ZNF93: variants seen among roughly 807,000 people sequenced by gnomAD.
The protein encoded by ZNF93 is zinc finger protein 93, also known as zinc finger protein 505.
A neutral mutation model predicts 45.0 loss-of-function variants in ZNF93; 29 were observed. That is an observed-to-expected ratio of 0.64 (90% CI 0.48 to 0.88). The LOEUF is 0.88. Among genes scored for constraint, ZNF93 ranks in the 40% least tolerant of loss-of-function variants. ZNF93 has a pLI of 0.00. For synonymous variants in ZNF93, 223 were observed against 244.6 expected (o/e 0.91, Z 0.82); for missense variants, 578 against 724.0 (o/e 0.80, Z 2.31).
chr19:19,910,592 G>A (rs1003819341), intron 1 of ZNF93, among the ~76,000 whole-genome samples: 3 of 150,826 alleles, frequency 2.0e-5, no homozygotes, highest in African/African-American at 4.9e-5. Flanking sequence ...TTGCTCCCAG[G>A]TTATAATCCT....
chr19:19,922,887 C>T (rs956187561), intron 3 of ZNF93, among the ~76,000 whole-genome samples: 1 of 152,192 alleles, frequency 6.6e-6, no homozygotes, highest in Non-Finnish European at 1.5e-5. Context: ...GTTTGAACTT[C>T]CTCCTTTAGC....
intron 1 of ZNF93, among the ~76,000 whole-genome samples, chr19:19,906,504 T>G (rs957011226): frequency 6.6e-6 from 1 of 152,200 alleles, no homozygotes; most frequent in Non-Finnish European, 1.5e-5. Flanking sequence ...ACTCAGTTTC[T>G]TTTGCTGTGA....
chr19:19,934,306 A>T lies in ZNF93; in HGVS notation c.1351A>T (p.Lys451Ter). The T allele has an allele frequency of 6.2e-7, 1 of 1,613,324 alleles. No individual in the cohort carries two copies. The highest frequency in any genetic ancestry group is 8.5e-7 in the Non-Finnish European group (1 of 1,179,958). ...ACATGAGATCATTCATACTGGAAAG[A>T]AACCCTACAAGTGTGAAGAATGTGG... ...SKHEIIHTGK[K>*]PYKCEECGKA... The change falls in exon 4 of 4, where the codon AAA becomes TAA. Residue 451 changes from lysine to a stop codon, truncating the protein, a stop_gained. Coordinates refer to ENST00000343769, the MANE Select transcript of ZNF93 (RefSeq NM_031218.4). LOFTEE classifies it high-confidence loss of function.
In ZNF93 at chr19:19,934,748, G is replaced by A. The variant is rs759283528; in HGVS notation, c.1793G>A (p.Cys598Tyr). 25 of 1,611,600 alleles carry A rather than the reference G, an allele frequency of 1.6e-5. No homozygotes were observed. In the South Asian group the frequency reaches 2.4e-4, roughly 16 times the overall value. ...SGEKPYECDK[C>Y]GKAFISPSSL... ...GAGAAACCATACGAGTGTGATAAAT[G>A]TGGCAAAGCCTTTATTTCACCCTCA... Residue 598 changes from cysteine (C) to tyrosine (Y), a missense_variant, in exon 4 of 4, where the codon TGT (cysteine) becomes TAT (tyrosine). Around this residue, in one of 3 missense-constraint regions of ZNF93, gnomAD observed 119 missense variants for 123.1 expected, o/e 0.97. Transcript: ENST00000343769.
intron 3 of ZNF93, among the ~76,000 whole-genome samples, chr19:19,928,302 T>C (rs551843788): frequency 6.6e-6 from 1 of 152,306 alleles, no homozygotes; most frequent in Non-Finnish European, 1.5e-5. Context: ...TCTGTTTATG[T>C]TTGTGTCAGT....
At chr19:19,925,669 A>G (rs551664687) in intron 3 of ZNF93, among the ~76,000 whole-genome samples, 77 of 152,334 alleles carry the variant, frequency 5.1e-4, no homozygotes, top group African/African-American at 1.6e-3. Context: ...TTACTTGTAA[A>G]TTTCAGTTTG....
intron 1 of ZNF93, chr19:19,908,739 A>C (rs2063299546): frequency 6.8e-6 from 1 of 146,868 alleles, no homozygotes; most frequent in African/African-American, 2.5e-5. Flanking sequence ...GCTACTCCAG[A>C]GGCTGAGGCA....
At position 19,916,647 on chromosome 19, in the gene ZNF93, A is replaced by G. The variant is rs753280065; in HGVS notation, c.218A>G (p.Asn73Ser). 1 of 1,609,246 alleles carries G rather than the reference A, an allele frequency of 6.2e-7. No homozygotes were observed. ...ATGAAGAGACATGAGATGGTAGCCA[A>G]CCCCTCAGGTAGGTGTGAGTGAAAA... is the stretch of plus-strand genomic sequence containing the variant. ...LTMKRHEMVANPSVICSHFAQ... is the reference protein window; with the variant it reads ...LTMKRHEMVASPSVICSHFAQ... Residue 73 changes from asparagine (N) to serine (S), a missense_variant, in exon 3 of 4, where the codon AAC (asparagine) becomes AGC (serine). Physicochemically the swap from Asn to Ser is conservative, Grantham distance 46. This residue lies in a region of ZNF93 where 446 missense variants were observed against 547.6 expected (regional missense o/e 0.81). Coordinates refer to ENST00000343769, the MANE Select transcript of ZNF93 (RefSeq NM_031218.4).
chr19:19,917,761 C>T (rs992254921), intron 3 of ZNF93, among the ~76,000 whole-genome samples: 1 of 152,056 alleles, frequency 6.6e-6, no homozygotes, highest in African/African-American at 2.4e-5. Context: ...GGTGATCCAC[C>T]CGCCTTGGCC....
At chr19:19,913,988 G>T (rs542845765) in intron 1 of ZNF93, among the ~76,000 whole-genome samples, 2 of 152,046 alleles carry the variant, frequency 1.3e-5, no homozygotes, top group Admixed American at 6.5e-5. Flanking sequence ...TCCTATGATG[G>T]TCAAGGATCT....
intron 1 of ZNF93, among the ~76,000 whole-genome samples, chr19:19,911,776 GT>G (rs759779321): frequency 1.3e-5 from 2 of 150,758 alleles, no homozygotes; most frequent in Non-Finnish European, 3.0e-5. Context: ...TTGAGATGGT[GT>G]TTCACTCTGT....
At position 19,934,069 on chromosome 19, in the gene ZNF93, G is replaced by T; in HGVS notation, c.1114G>T (p.Glu372Ter). ...TATGGGAAAGAAACATTACAAATGT[G>T]AAGAATGTGGCAAAGCCTTCATTTG... ...IHMGKKHYKC[E>*]ECGKAFIWSS... Residue 372 changes from glutamate (E) to a stop codon, truncating the protein, a stop_gained, in exon 4 of 4, where the codon GAA becomes TAA. Transcript: ENST00000343769. LOFTEE classifies it high-confidence loss of function. 1.2e-6 allele frequency: 2 copies of T among 1,612,716 alleles called. No homozygotes were observed. The highest frequency in any genetic ancestry group is 1.7e-6 in the Non-Finnish European group (2 of 1,179,512).
chr19:19,915,640 A>T (rs1378193744), intron 2 of ZNF93, among the ~76,000 whole-genome samples: 13 of 152,100 alleles, frequency 8.5e-5, no homozygotes, highest in Admixed American at 8.5e-4. Flanking sequence ...GAGGAGTTCG[A>T]GACCAGCCTG....
Position 19,901,008 on chromosome 19 carries a change from A to G in ZNF93, c.-81A>G, listed in dbSNP as rs2122154920. 1 of 1,588,926 alleles carries G rather than the reference A, an allele frequency of 6.3e-7. No homozygotes were observed. The highest frequency in any genetic ancestry group is 8.6e-7 in the Non-Finnish European group (1 of 1,158,572). On this transcript the variant is annotated 5_prime_UTR_variant, in exon 1 of 4. Transcript: ENST00000343769. ...ACTACTCTGTGTCCTGTGCTCCTAC[A>G]GGCCCAGCCTCTGTGGCCCTGTGAC...
Position 19,933,609 on chromosome 19 carries a change from A to G in ZNF93, c.654A>G (p.Thr218=), listed in dbSNP as rs79187839. 3.7e-6 allele frequency: 6 copies of G among 1,609,260 alleles called. No individual in the cohort carries two copies. Among genetic ancestry groups the G allele is most frequent in the Admixed American group, 1.7e-5 (1 of 59,368 alleles). ...TTAAGTACTCCTCTGCCCTTAATAC[A>G]CATAAGAGAATTCATACTGGAGAGA... ...KAFKYSSALN[T]HKRIHTGEKP... The change falls in exon 4 of 4, where the codon ACA becomes ACG. Residue 218 remains threonine, a synonymous_variant. Transcript: ENST00000343769.
intron 3 of ZNF93, among the ~76,000 whole-genome samples, chr19:19,924,566 G>A (rs577755164): frequency 2.2e-4 from 33 of 150,276 alleles, no homozygotes; most frequent in Non-Finnish European, 4.1e-4. Context: ...AGGTAACTGT[G>A]TGGGTTTCTT....
chr19:19,929,752 A>C lies in ZNF93; in HGVS notation c.227-3430A>C, dbSNP rs981742095. 3.2e-4 allele frequency among the ~76,000 whole-genome samples: 48 copies of C among 151,300 alleles called. No homozygotes were observed. In the East Asian group the frequency reaches 5.1e-3, roughly 16 times the overall value. On this transcript the variant is annotated intron_variant, in intron 3 of 3. Coordinates refer to ENST00000343769, the MANE Select transcript of ZNF93 (RefSeq NM_031218.4). The stretch of plus-strand genomic sequence containing the variant: ...AGGAGATCGAGACCATCCCGGCTAA[A>C]ACGGTGAAACCCCGTCTCTACTAAA...
chr19:19,909,034 A>G (rs2063300673), intron 1 of ZNF93: 1 of 152,198 alleles, frequency 6.6e-6, no homozygotes, highest in African/African-American at 2.4e-5. Context: ...TATTTTTTCC[A>G]TGTCATCATT....
In ZNF93 at chr19:19,901,026, C is replaced by T. The variant is rs1419482646; in HGVS notation, c.-63C>T. The T allele has an allele frequency of 1.2e-6, 2 of 1,607,160 alleles. No individual in the cohort carries two copies. The highest frequency in any genetic ancestry group is 1.7e-6 in the Non-Finnish European group (2 of 1,174,302). On this transcript the variant is annotated 5_prime_UTR_variant, in exon 1 of 4. Transcript: ENST00000343769. Reference sequence around the variant, plus strand: ...CTCCTACAGGCCCAGCCTCTGTGGCCCTGTGACCTGCAGGTATTGGGAGAT... The same window carrying T: ...CTCCTACAGGCCCAGCCTCTGTGGCTCTGTGACCTGCAGGTATTGGGAGAT...
Sources: gnomAD v4.1 joint callset for allele counts (sites outside exome capture counted in the v4.1 genomes callset) on GRCh38, gnomAD v4.1.1 for gene constraint, gnomAD v4.1.1 regional missense constraint, MANE v1.5 for transcripts, NCBI Gene and HGNC (gene_info 2026-07-23, HGNC 2026-07-21) for gene names.